Variants in SLC26A9 observed in about 807,000 individuals in gnomAD.
SLC26A9 encodes anion transporter/exchanger protein 9.
Under a neutral mutation model 87.1 loss-of-function variants are expected in SLC26A9, and 46 were observed. The ratio of observed to expected loss-of-function variants is 0.53; its 90% CI spans 0.42 to 0.67. The LOEUF (loss-of-function observed/expected upper bound fraction) is 0.67. Ranked by LOEUF, SLC26A9 falls within the 30% of genes least tolerant of loss-of-function variation. SLC26A9 has a pLI of 0.00. For missense variants in SLC26A9, 927 were observed against 1,018.3 expected, an observed-to-expected ratio of 0.91 and a Z score of 1.22; for synonymous variants, 437 against 409.1, an observed-to-expected ratio of 1.07 and a Z score of -0.82.
chr1:205,923,843 G>A (rs1009023687), intron 13 of SLC26A9, among the ~76,000 whole-genome samples: 1 of 152,198 alleles, frequency 6.6e-6, no homozygotes, highest in African/African-American at 2.4e-5. Flanking sequence ...AGACCACAGG[G>A]CAGGGGAGAG....
intron 4 of SLC26A9, 82 bp from the exon 5 acceptor site, chr1:205,932,117 C>A: frequency 1.3e-6 from 2 of 1,546,618 alleles, no homozygotes; most frequent in Admixed American, 1.8e-5. Flanking sequence ...GGAATGCTTC[C>A]CGACCCCAGG....
chr1:205,933,142 T>C, intron 2 of SLC26A9, 58 bp from the exon 3 acceptor site: 1 of 1,606,292 alleles, frequency 6.2e-7, no homozygotes. Flanking sequence ...CATTCCGTGT[T>C]GGAGAGGGAT....
rs1356434605 is a variant in SLC26A9, at chr1:205,921,862, A to G, written c.1774-15T>C. ...AGGGAGACAGTCTGGAAGGGTGGGG[A>G]CAGTGGGCAGAGTCAGGGACCACCA... On this transcript the variant is annotated splice_polypyrimidine_tract_variant and intron_variant, in intron 16 of 20. Transcript: ENST00000367135. 1 of 1,599,304 alleles carries G rather than the reference A, an allele frequency of 6.3e-7. No individual in the cohort carries two copies. The highest frequency in any genetic ancestry group is 1.7e-5 in the Admixed American group (1 of 58,362).
Position 205,928,812 on chromosome 1 carries a change from G to A in SLC26A9, c.953+15C>T, listed in dbSNP as rs1659186791. 1 of 1,613,744 alleles carries A rather than the reference G, an allele frequency of 6.2e-7. No individual in the cohort carries two copies. The highest frequency in any genetic ancestry group is 8.5e-7 in the Non-Finnish European group (1 of 1,179,800). On this transcript the variant is annotated intron_variant, in intron 8 of 20. Transcript: ENST00000367135. ...AGGTGCGGGTGGGCCAGGCTTCTGG[G>A]CCACCTGGACTCACCCGCGTTGGAT...
At chr1:205,924,545 AAGTCTTCCTG>A (rs1658988851) in intron 12 of SLC26A9, 56 bp from the exon 13 acceptor site, 3 of 1,540,478 alleles carry the variant, frequency 1.9e-6, no homozygotes, top group Non-Finnish European at 2.7e-6. Flanking sequence ...CTCTTTCAGG[AAGTCTTCCTG>A]GATTAGCCAA....
chr1:205,939,942 C>T (rs1430728518), intron 1 of SLC26A9, among the ~76,000 whole-genome samples: 4 of 152,206 alleles, frequency 2.6e-5, no homozygotes, highest in African/African-American at 9.7e-5. Context: ...CACTGCCTTC[C>T]ATCCCCCTAC....
intron 4 of SLC26A9, among the ~76,000 whole-genome samples, chr1:205,932,251 C>T (rs536954579): frequency 2.0e-5 from 3 of 152,336 alleles, no homozygotes; most frequent in Non-Finnish European, 2.9e-5. Flanking sequence ...ATACAGGACA[C>T]GTGAGAAAAT....
intron 8 of SLC26A9, 135 bp from the exon 9 acceptor site, chr1:205,928,184 C>T (rs812747): frequency 1.2e-5 from 13 of 1,062,248 alleles, no homozygotes; most frequent in Non-Finnish European, 1.6e-5. Flanking sequence ...CCCATCCAGT[C>T]TGAATCCTCA....
intron 5 of SLC26A9, chr1:205,930,284 C>T (rs1659252914): frequency 2.6e-6 from 1 of 390,346 alleles, no homozygotes; most frequent in Non-Finnish European, 4.6e-6. Context: ...CACATCACCT[C>T]TCTGGCTTTG....
At position 205,913,455 on chromosome 1, in the gene SLC26A9, G is replaced by T. The variant is rs912226525; in HGVS notation, c.*1902C>A. On this transcript the variant is annotated 3_prime_UTR_variant, in exon 21 of 21. Transcript: ENST00000367135. ...CTTCAGTTCTGAGGCTGGTCTGGGG[G>T]TTAATGATTACTTGGGGGTTAAGGA... 6.6e-6 allele frequency: 1 copy of T among 152,652 alleles called. No individual in the cohort carries two copies. Among genetic ancestry groups the T allele is most frequent in the African/African-American group, 2.4e-5 (1 of 41,442 alleles). The allele number at this position is 152,652 out of a possible 1,614,324, so 9.5% of individuals were successfully genotyped here.
intron 12 of SLC26A9, among the ~76,000 whole-genome samples, chr1:205,925,872 A>G (rs1233336447): frequency 6.6e-6 from 1 of 152,244 alleles, no homozygotes; most frequent in East Asian, 1.9e-4. Context: ...GGCCTTCATT[A>G]CTATGCCCAG....
At chr1:205,934,787 A>T (rs74655045) in intron 2 of SLC26A9, among the ~76,000 whole-genome samples, 1,533 of 152,310 alleles carry the variant, frequency 0.01, 13 homozygotes, top group East Asian at 0.031. Context: ...CACCTGTCTG[A>T]GGAGCACAGC....
intron 5 of SLC26A9, chr1:205,930,360 T>C: frequency 4.5e-6 from 1 of 220,986 alleles, no homozygotes; most frequent in Non-Finnish European, 8.8e-6. Flanking sequence ...ACACCATCAT[T>C]AACCTGGTTG....
At chr1:205,935,918 G>T in intron 1 of SLC26A9, 80 bp from the exon 2 acceptor site, 1 of 1,461,034 alleles carries the variant, frequency 6.8e-7, no homozygotes, top group Non-Finnish European at 9.1e-7. Flanking sequence ...TCTGGTCCTT[G>T]CAGTAGCAGA....
chr1:205,919,057 G>A, intron 18 of SLC26A9, 72 bp from the exon 19 acceptor site: 1 of 1,588,814 alleles, frequency 6.3e-7, no homozygotes, highest in South Asian at 1.1e-5. Context: ...GGGGAAGATA[G>A]TGAGACCAGA....
intron 20 of SLC26A9, among the ~76,000 whole-genome samples, chr1:205,917,016 C>A (rs1199508659): frequency 1.3e-5 from 2 of 151,546 alleles, no homozygotes; most frequent in Non-Finnish European, 2.9e-5. Flanking sequence ...CCTCTGGAAC[C>A]CGGGAGGCAG....
chr1:205,921,020 C>G (rs939917484), intron 17 of SLC26A9, among the ~76,000 whole-genome samples: 1 of 152,238 alleles, frequency 6.6e-6, no homozygotes. Flanking sequence ...GCCCATTGTT[C>G]CCCTGGCTTG....
intron 20 of SLC26A9, among the ~76,000 whole-genome samples, chr1:205,915,783 A>C (rs988575310): frequency 2.6e-5 from 4 of 152,178 alleles, no homozygotes; most frequent in Non-Finnish European, 4.4e-5. Flanking sequence ...GGTCCTATCC[A>C]GGCTTTTTGG....
rs575572869 is a variant in SLC26A9, at chr1:205,940,919, G to A, written c.-19+2446C>T. Among the ~76,000 whole-genome samples, 9 of 152,304 alleles carry A rather than the reference G, an allele frequency of 5.9e-5. No individual in the cohort carries two copies. In the South Asian group the frequency reaches 1.5e-3, roughly 25 times the overall value. ...CCTTATCACTGGTTCCTAGCCAGCC[G>A]GTTGCTGTGTTCTGGGAAGAGGAAA... On this transcript the variant is annotated intron_variant, in intron 1 of 20. Coordinates refer to ENST00000367135, the MANE Select transcript of SLC26A9 (RefSeq NM_052934.4).
Sources: allele counts gnomAD v4.1 joint callset (sites outside exome capture counted in the v4.1 genomes callset), GRCh38; gene constraint gnomAD v4.1.1; transcripts MANE v1.5; gene names NCBI Gene and HGNC (gene_info 2026-07-23, HGNC 2026-07-21).